Variants in CHCHD6 observed in about 807,000 individuals in gnomAD.
The protein encoded by CHCHD6 is coiled-coil-helix-coiled-coil-helix domain containing 6.
A neutral mutation model predicts 32.3 loss-of-function variants in CHCHD6; 28 were observed. That is an observed-to-expected ratio of 0.87 (90% CI 0.64 to 1.19). CHCHD6 has a LOEUF of 1.19. Ranked by LOEUF, CHCHD6 falls within the 50% of genes most tolerant of loss-of-function variation. The pLI is 0.00. For synonymous variants in CHCHD6, 122 were observed against 117.5 expected (o/e 1.04, Z -0.25); for missense variants, 333 against 307.0 (o/e 1.08, Z -0.63).
rs571714314 is a variant in CHCHD6 at position 126,948,324 on chromosome 3, C to T, written c.567-9092C>T. Reference sequence around the variant, plus strand: ...CTCAGGCTGGAGGGGAAATCTGTTGCAGCCCCTCCTAGGCTGCTGGTGGTG... The same window carrying T: ...CTCAGGCTGGAGGGGAAATCTGTTGTAGCCCCTCCTAGGCTGCTGGTGGTG... On this transcript the variant is annotated intron_variant, in intron 6 of 7. Coordinates refer to ENST00000290913, the MANE Select transcript of CHCHD6 (RefSeq NM_032343.3). Among the ~76,000 whole-genome samples the T allele has an allele frequency of 3.3e-5, 5 of 152,352 alleles. No individual in the cohort carries two copies. The East Asian group carries it at 7.7e-4, about 23-fold the overall frequency.
chr3:126,762,270 A>G (rs1001717622), intron 4 of CHCHD6, among the ~76,000 whole-genome samples: 3 of 152,138 alleles, frequency 2.0e-5, no homozygotes, highest in Non-Finnish European at 4.4e-5. Flanking sequence ...TGTAATGTAA[A>G]GATGTATGCT....
intron 6 of CHCHD6, among the ~76,000 whole-genome samples, chr3:126,921,649 T>G (rs1388852876): frequency 6.6e-6 from 1 of 152,196 alleles, no homozygotes. Context: ...GGTTATTAAC[T>G]ATTTCCTGAA....
intron 4 of CHCHD6, among the ~76,000 whole-genome samples, chr3:126,762,689 T>C (rs1382478632): frequency 6.6e-6 from 1 of 152,232 alleles, no homozygotes; most frequent in African/African-American, 2.4e-5. Context: ...TCTTGAACTT[T>C]TAGAACTATT....
At chr3:126,885,868 G>A (rs926428240) in intron 5 of CHCHD6, among the ~76,000 whole-genome samples, 1 of 152,206 alleles carries the variant, frequency 6.6e-6, no homozygotes, top group Non-Finnish European at 1.5e-5. Flanking sequence ...CAAACCATAG[G>A]AGGGATGATG....
intron 6 of CHCHD6, among the ~76,000 whole-genome samples, chr3:126,946,074 G>C (rs1461126429): frequency 6.6e-6 from 1 of 152,114 alleles, no homozygotes; most frequent in Non-Finnish European, 1.5e-5. Context: ...ACAGAGCAGG[G>C]TTGGGGCAGC....
intron 5 of CHCHD6, among the ~76,000 whole-genome samples, chr3:126,863,371 TCCTCCTCCTCTACCATCACCA>T (rs1942040147): frequency 1.7e-5 from 2 of 114,872 alleles, no homozygotes; most frequent in Admixed American, 1.7e-4. Context: ...CACCACCTCC[TCCTCCTCCTCTACCATCACCA>T]CCTCCTCCTC....
chr3:126,725,052 T>C (rs1935471542), intron 1 of CHCHD6, among the ~76,000 whole-genome samples: 1 of 152,254 alleles, frequency 6.6e-6, no homozygotes, highest in Non-Finnish European at 1.5e-5. Context: ...TATTGATTTT[T>C]TGACCTCTTC....
intron 4 of CHCHD6, among the ~76,000 whole-genome samples, chr3:126,779,804 G>GATCT (rs1247601988): frequency 6.6e-6 from 1 of 152,134 alleles, no homozygotes; most frequent in Non-Finnish European, 1.5e-5. Flanking sequence ...GATAAATACA[G>GATCT]ATATTAAGCA....
intron 4 of CHCHD6, among the ~76,000 whole-genome samples, chr3:126,844,955 A>G (rs1417783461): frequency 1.3e-5 from 2 of 152,180 alleles, no homozygotes; most frequent in Non-Finnish European, 2.9e-5. Flanking sequence ...TGGAAAAGGT[A>G]AGGAAATAGA....
chr3:126,835,885 T>G (rs539466977), intron 4 of CHCHD6, among the ~76,000 whole-genome samples: 1 of 152,366 alleles, frequency 6.6e-6, no homozygotes, highest in South Asian at 2.1e-4. Flanking sequence ...GGTGTTCAGC[T>G]AGAAAATCGC....
At chr3:126,775,385 T>C (rs1427498807) in intron 4 of CHCHD6, among the ~76,000 whole-genome samples, 1 of 152,212 alleles carries the variant, frequency 6.6e-6, no homozygotes, top group African/African-American at 2.4e-5. Flanking sequence ...GATTTTTCCC[T>C]CTCTTATGAA....
At chr3:126,711,995 A>G (rs1301260426) in intron 1 of CHCHD6, among the ~76,000 whole-genome samples, 1 of 152,270 alleles carries the variant, frequency 6.6e-6, no homozygotes, top group Non-Finnish European at 1.5e-5. Context: ...GAGGCATTAG[A>G]AAACAAGGTA....
In CHCHD6 at chr3:126,743,333, C is replaced by T. The variant is rs1936357066; in HGVS notation, c.411+10111C>T. On this transcript the variant is annotated intron_variant, in intron 4 of 7. Transcript: ENST00000290913. ...GCTTATTTGGATTTTGTGGAGCCTC[C>T]CCCATTACCAAATCACAGGTCTGCG... is the stretch of plus-strand genomic sequence containing the variant. 2.0e-5 allele frequency among the ~76,000 whole-genome samples: 3 copies of T among 152,240 alleles called. No individual in the cohort carries two copies. In the South Asian group the frequency reaches 6.2e-4, roughly 32 times the overall value.
intron 4 of CHCHD6, among the ~76,000 whole-genome samples, chr3:126,831,029 T>C (rs1157061009): frequency 9.4e-6 from 1 of 105,850 alleles, no homozygotes; most frequent in African/African-American, 3.2e-5. Context: ...GCCAGTCTTC[T>C]TTTTTTTTTT....
intron 4 of CHCHD6, among the ~76,000 whole-genome samples, chr3:126,745,787 C>T (rs1936475691): frequency 6.6e-6 from 1 of 152,148 alleles, no homozygotes; most frequent in African/African-American, 2.4e-5. Context: ...TTAATTTGTG[C>T]TTGGAGAGGA....
At chr3:126,710,047 A>G (rs2107649310) in intron 1 of CHCHD6, among the ~76,000 whole-genome samples, 1 of 152,328 alleles carries the variant, frequency 6.6e-6, no homozygotes, top group East Asian at 1.9e-4. Flanking sequence ...CAATATGCTT[A>G]AGTGAGTGGT....
chr3:126,918,197 G>C (rs2078197773), intron 6 of CHCHD6, among the ~76,000 whole-genome samples: 1 of 152,208 alleles, frequency 6.6e-6, no homozygotes, highest in African/African-American at 2.4e-5. Context: ...TGGATTAACA[G>C]ATATTGTAAA....
intron 1 of CHCHD6, among the ~76,000 whole-genome samples, chr3:126,713,060 C>T (rs1298721945): frequency 6.6e-6 from 1 of 152,174 alleles, no homozygotes; most frequent in Admixed American, 6.5e-5. Flanking sequence ...TTTGTCCTTC[C>T]TACTCTCAGT....
chr3:126,869,175 G>A (rs1205125000), intron 5 of CHCHD6, among the ~76,000 whole-genome samples: 1 of 151,522 alleles, frequency 6.6e-6, no homozygotes, highest in Non-Finnish European at 1.5e-5. Flanking sequence ...AACATAGTTT[G>A]TTTTAACAAA....
Sources: allele counts gnomAD v4.1 joint callset (sites outside exome capture counted in the v4.1 genomes callset), GRCh38; gene constraint gnomAD v4.1.1; transcripts MANE v1.5; gene names NCBI Gene and HGNC (gene_info 2026-07-23, HGNC 2026-07-21).